GRIK2: variants seen among roughly 807,000 people sequenced by gnomAD.
GRIK2 encodes the protein glutamate receptor ionotropic, kainate 2.
Under a neutral mutation model 100.3 loss-of-function variants are expected in GRIK2, and 32 were observed. The ratio of observed to expected loss-of-function variants is 0.32; its 90% CI spans 0.24 to 0.43. The LOEUF (loss-of-function observed/expected upper bound fraction) is 0.43. GRIK2 is among the 20% of genes least tolerant of loss of function. The pLI is 1.00. For missense variants in GRIK2, 843 were observed against 1,114.9 expected (o/e 0.76, Z 3.47); for synonymous variants, 417 against 389.4 (o/e 1.07, Z -0.83).
At chr6:102,064,338 C>A (rs1276424042) in intron 16 of GRIK2, among the ~76,000 whole-genome samples, 1 of 147,240 alleles carries the variant, frequency 6.8e-6, no homozygotes. Context: ...CCTTTCCTTT[C>A]TTTCCTTTCC....
At chr6:101,775,541 A>AG (rs1422613271) in intron 7 of GRIK2, among the ~76,000 whole-genome samples, 4 of 228 alleles carry the variant, frequency 0.018, no homozygotes, top group African/African-American at 0.067. Context: ...ATGTATATAT[A>AG]TGTGTGTGAG....
rs1414848976 is a variant in GRIK2, at chr6:102,067,050, A to G, written c.2563-1297A>G. On this transcript the variant is annotated intron_variant, in intron 16 of 16. Coordinates refer to ENST00000369134, the MANE Select transcript of GRIK2 (RefSeq NM_021956.5). ...CCTCTCTCTGAATCAGTTTTCTCTGACACACAGATACCTAATTAATTCAAA... is the reference window on the plus strand; with the variant it reads ...CCTCTCTCTGAATCAGTTTTCTCTGGCACACAGATACCTAATTAATTCAAA... 2.0e-5 allele frequency among the ~76,000 whole-genome samples: 3 copies of G among 151,716 alleles called. No homozygotes were observed. In the East Asian group the frequency reaches 5.8e-4, roughly 29 times the overall value.
intron 9 of GRIK2, among the ~76,000 whole-genome samples, chr6:101,809,798 C>T (rs1238134139): frequency 1.3e-5 from 2 of 151,914 alleles, no homozygotes; most frequent in Admixed American, 6.6e-5. Context: ...TTGTCTAACT[C>T]TTATATAGAA....
chr6:101,666,946 T>C (rs988866692), intron 4 of GRIK2, among the ~76,000 whole-genome samples: 59 of 152,188 alleles, frequency 3.9e-4, no homozygotes, highest in African/African-American at 1.4e-3. Context: ...TGCTAAGTGA[T>C]TTGTTCATTT....
At chr6:101,734,474 T>C (rs944372537) in intron 7 of GRIK2, among the ~76,000 whole-genome samples, 1 of 152,178 alleles carries the variant, frequency 6.6e-6, no homozygotes, top group African/African-American at 2.4e-5. Flanking sequence ...CCACCTATAA[T>C]ACATTAGGGA....
intron 2 of GRIK2, among the ~76,000 whole-genome samples, chr6:101,573,946 C>G (rs1417259478): frequency 1.3e-5 from 2 of 152,008 alleles, no homozygotes; most frequent in Admixed American, 1.3e-4. Flanking sequence ...TAAACTCTAA[C>G]TAGACTTGAT....
chr6:101,661,553 C>T (rs1769614029), intron 4 of GRIK2, among the ~76,000 whole-genome samples: 1 of 152,114 alleles, frequency 6.6e-6, no homozygotes, highest in Non-Finnish European at 1.5e-5. Flanking sequence ...AGCTCAGTGT[C>T]TGCTCAAATG....
intron 2 of GRIK2, among the ~76,000 whole-genome samples, chr6:101,406,547 T>C (rs1775601419): frequency 6.6e-6 from 1 of 152,098 alleles, no homozygotes; most frequent in Admixed American, 6.6e-5. Flanking sequence ...ACAAGTATAT[T>C]CTGGAAGAGG....
intron 12 of GRIK2, among the ~76,000 whole-genome samples, chr6:101,910,442 T>C (rs1788595230): frequency 6.6e-6 from 1 of 151,250 alleles, no homozygotes; most frequent in Non-Finnish European, 1.5e-5. Context: ...TAAGAAAAAA[T>C]ATATTCTTCC....
chr6:101,759,133 T>C (rs56230248), intron 7 of GRIK2, among the ~76,000 whole-genome samples: 7,904 of 152,278 alleles, frequency 0.052, 241 homozygotes, highest in Middle Eastern at 0.099. Flanking sequence ...CTTAGGCATA[T>C]TCTCTGCATC....
chr6:101,572,397 A>C (rs1253998561), intron 2 of GRIK2, among the ~76,000 whole-genome samples: 1 of 152,040 alleles, frequency 6.6e-6, no homozygotes, highest in African/African-American at 2.4e-5. Context: ...TGATAACACT[A>C]GTTTTTGTTG....
At chr6:101,400,536 A>G (rs1332285992) in intron 2 of GRIK2, among the ~76,000 whole-genome samples, 2 of 152,230 alleles carry the variant, frequency 1.3e-5, no homozygotes, top group Non-Finnish European at 2.9e-5. Flanking sequence ...GCAGGACACC[A>G]TGTAATCCTG....
At chr6:101,850,484 G>A (rs1044211022) in intron 10 of GRIK2, among the ~76,000 whole-genome samples, 5 of 151,826 alleles carry the variant, frequency 3.3e-5, no homozygotes, top group Admixed American at 1.3e-4. Flanking sequence ...ATATCTCAGG[G>A]TTAACATATG....
chr6:101,460,570 T>C (rs1049017929), intron 2 of GRIK2, among the ~76,000 whole-genome samples: 16 of 152,180 alleles, frequency 1.1e-4, no homozygotes, highest in Admixed American at 2.0e-4. Flanking sequence ...ACTTTTCTAT[T>C]ATAGTAAGAG....
intron 4 of GRIK2, among the ~76,000 whole-genome samples, chr6:101,654,517 G>C (rs567400303): frequency 6.6e-6 from 1 of 152,248 alleles, no homozygotes; most frequent in East Asian, 1.9e-4. Flanking sequence ...AGCATCTGCT[G>C]CTATTTGACT....
At chr6:101,965,174 A>G (rs930190530) in intron 14 of GRIK2, among the ~76,000 whole-genome samples, 19 of 152,280 alleles carry the variant, frequency 1.2e-4, no homozygotes, top group African/African-American at 4.3e-4. Flanking sequence ...ACATAAAATT[A>G]TAAGAATTTA....
intron 7 of GRIK2, among the ~76,000 whole-genome samples, chr6:101,791,288 A>T (rs564518431): frequency 0.021 from 3,214 of 151,948 alleles, 49 homozygotes; most frequent in Non-Finnish European, 0.032. Context: ...TGGTTCTTTT[A>T]ATTGTGATGT....
chr6:102,005,091 T>G (rs2114280470), intron 14 of GRIK2, among the ~76,000 whole-genome samples: 1 of 151,122 alleles, frequency 6.6e-6, no homozygotes, highest in Non-Finnish European at 1.5e-5. Flanking sequence ...AATCTTTTGG[T>G]TTATGTTTGT....
rs576469345 is a variant in GRIK2, at chr6:101,982,783, T to C, written c.2086-52558T>C. On this transcript the variant is annotated intron_variant, in intron 14 of 16. Transcript: ENST00000369134. ...CTTCAAAAGATCCAAGTGGCACCACTTACATAAGCCCTCAGGTACCCGTTA... is the reference window on the plus strand; with the variant it reads ...CTTCAAAAGATCCAAGTGGCACCACCTACATAAGCCCTCAGGTACCCGTTA... Among the ~76,000 whole-genome samples, 7 of 151,634 alleles carry C rather than the reference T, an allele frequency of 4.6e-5. No individual in the cohort carries two copies. The South Asian group carries it at 1.5e-3, about 32-fold the overall frequency.
Sources: gnomAD v4.1 joint callset for allele counts (sites outside exome capture counted in the v4.1 genomes callset) on GRCh38, gnomAD v4.1.1 for gene constraint, MANE v1.5 for transcripts, NCBI Gene and HGNC (gene_info 2026-07-23, HGNC 2026-07-21) for gene names.